Variants in SMG1 observed in about 807,000 individuals in gnomAD.
The protein encoded by SMG1 is SMG1 nonsense mediated mRNA decay associated PI3K related kinase.
Under a neutral mutation model 419.9 loss-of-function variants are expected in SMG1, and 22 were observed. The ratio of observed to expected loss-of-function variants is 0.05; its 90% CI spans 0.04 to 0.07. SMG1 has a LOEUF of 0.07. Among genes scored for constraint, SMG1 ranks in the 10% least tolerant of loss-of-function variants. The probability of loss-of-function intolerance (pLI) is 1.00; values close to 1 mark genes in which losing one functional copy is unlikely to be tolerated. For synonymous variants in SMG1, 1,538 were observed against 1,553.5 expected (o/e 0.99, Z 0.23); for missense variants, 3,185 against 4,342.0 (o/e 0.73, Z 7.49).
At chr16:18,869,813 A>G in intron 19 of SMG1, 41 bp downstream of exon 19, 1 of 1,555,908 alleles carries the variant, frequency 6.4e-7, no homozygotes, top group Non-Finnish European at 8.7e-7. Context: ...AGAATCTTAA[A>G]ATTATGTTTC....
In SMG1 at chr16:18,839,732, C is replaced by A. The variant is rs780702726; in HGVS notation, c.6911G>T (p.Cys2304Phe). 1.2e-6 allele frequency: 2 copies of A among 1,613,854 alleles called. No homozygotes were observed. The highest frequency in any genetic ancestry group is 1.7e-6 in the Non-Finnish European group (2 of 1,179,894). ...TCTCCACCATTCATCAGGTGTTGTG[C>A]AAGATGACCAGAGCTCTTTGGCAAG... ...NLLAKELWSSCTTPDEWWRVT... is the reference protein window; with the variant it reads ...NLLAKELWSSFTTPDEWWRVT... The change falls in exon 42 of 63, where the codon TGC (cysteine) becomes TTC (phenylalanine). Residue 2304 changes from cysteine (C) to phenylalanine (F), a missense_variant. Physicochemically the swap from Cys to Phe is radical, Grantham distance 205 (BLOSUM62 -2). Transcript: ENST00000446231.
intron 30 of SMG1, 134 bp from the exon 31 acceptor site, chr16:18,854,001 CAT>C: frequency 3.1e-6 from 2 of 645,440 alleles, no homozygotes; most frequent in Non-Finnish European, 4.9e-6. Flanking sequence ...TATGCTCAAG[CAT>C]AGGAGGCTCC....
At chr16:18,902,076 T>G (rs1042251993) in intron 1 of SMG1, among the ~76,000 whole-genome samples, 7 of 151,970 alleles carry the variant, frequency 4.6e-5, no homozygotes, top group Admixed American at 2.0e-4. Flanking sequence ...TGACCTCCAG[T>G]GGGGCTGGAG....
chr16:18,886,808 A>T (rs2036631211), intron 6 of SMG1, among the ~76,000 whole-genome samples: 1 of 152,220 alleles, frequency 6.6e-6, no homozygotes. Flanking sequence ...TCTCAAAAAA[A>T]AAGAGAAAAA....
chr16:18,844,584 GGAAACTCGAGTTTTGGCAAGAACACATAA>G (rs2034147635), intron 39 of SMG1, among the ~76,000 whole-genome samples: 1 of 54,866 alleles, frequency 1.8e-5, no homozygotes, highest in Non-Finnish European at 3.8e-5. Context: ...ACACACACAC[GGAAACTCGAGTTTTGGCAAGAACACATAA>G]TAAACTTCAT....
Position 18,812,096 on chromosome 16 carries a change from C to G in SMG1, c.10653G>C (p.Gln3551His). The change falls in exon 61 of 63, where the codon CAG (glutamine) becomes CAC (histidine). Residue 3551 changes from glutamine (Q) to histidine (H), a missense_variant. Around this residue, in one of 27 missense-constraint regions of SMG1, gnomAD observed 737 missense variants for 846.6 expected, o/e 0.87. Transcript: ENST00000446231. ...AVRSNTGQKT[Q>H]PDVMSQNARK... ...TAGCATTCTGTGACATGACATCAGG[C>G]TGAGTCTTCTGGCCAGTGTTACTCC... is the stretch of plus-strand genomic sequence containing the variant. The G allele has an allele frequency of 3.1e-6, 5 of 1,613,478 alleles. No homozygotes were observed. The highest frequency in any genetic ancestry group is 4.2e-6 in the Non-Finnish European group (5 of 1,179,608).
Position 18,849,922 on chromosome 16 carries a change from TCCTGAAACA to T in SMG1, c.5461+18_5461+26del. On this transcript the variant is annotated intron_variant, in intron 35 of 62. Coordinates refer to ENST00000446231, the MANE Select transcript of SMG1 (RefSeq NM_015092.5). ...ATATATCCTAGTGAGAAACTATTTT[TCCTGAAACA>T]TTTTATGCAGGTCTCACCTCTCCAT... 1 of 1,595,606 alleles carries T rather than the reference TCCTGAAACA, an allele frequency of 6.3e-7. No homozygotes were observed. Among genetic ancestry groups the T allele is most frequent in the Admixed American group, 1.8e-5 (1 of 56,126 alleles).
At chr16:18,848,650 C>A (rs2034405804) in intron 36 of SMG1, among the ~76,000 whole-genome samples, 1 of 151,916 alleles carries the variant, frequency 6.6e-6, no homozygotes, top group Admixed American at 6.6e-5. Context: ...CTCAGTGAGC[C>A]TGGCAGAGGT....
chr16:18,827,886 A>G, intron 55 of SMG1, 145 bp downstream of exon 55: 1 of 431,276 alleles, frequency 2.3e-6, no homozygotes, highest in Middle Eastern at 6.5e-4. Flanking sequence ...ATAAATTAAA[A>G]GCAAAAGTGA....
At chr16:18,904,913 CA>C (rs1486612872) in intron 1 of SMG1, among the ~76,000 whole-genome samples, 2 of 151,632 alleles carry the variant, frequency 1.3e-5, no homozygotes, top group Admixed American at 6.6e-5. Flanking sequence ...CCAGCCTGGG[CA>C]ACAGAGAGAC....
chr16:18,854,634 A>C lies in SMG1; in HGVS notation c.4483+22T>G, dbSNP rs540428965. Reference sequence around the variant, plus strand: ...ATGATTTTTATTATACTCATGTATTAACCATAATTAATTTTACTAACCTGC... The same window carrying C: ...ATGATTTTTATTATACTCATGTATTCACCATAATTAATTTTACTAACCTGC... On this transcript the variant is annotated intron_variant, in intron 30 of 62. Transcript: ENST00000446231. 1.1e-5 allele frequency: 17 copies of C among 1,599,222 alleles called. No individual in the cohort carries two copies. In the East Asian group the frequency reaches 3.8e-4, roughly 36 times the overall value.
intron 39 of SMG1, 127 bp from the exon 40 acceptor site, chr16:18,842,581 T>G: frequency 1.1e-6 from 1 of 891,994 alleles, no homozygotes; most frequent in Non-Finnish European, 1.7e-6. Context: ...TCCCAGCACT[T>G]TGGGAGGCCG....
At chr16:18,905,638 A>T (rs1461691607) in intron 1 of SMG1, among the ~76,000 whole-genome samples, 1 of 143,616 alleles carries the variant, frequency 7.0e-6, no homozygotes, top group Non-Finnish European at 1.5e-5. Context: ...TTTGAGACAG[A>T]CTCTGACTTT....
chr16:18,827,460 A>ATATATATATATT (rs1014628499), intron 55 of SMG1, among the ~76,000 whole-genome samples: 3 of 147,026 alleles, frequency 2.0e-5, no homozygotes, highest in African/African-American at 7.4e-5. Context: ...ATATACCTAT[A>ATATATATATATT]TATATATATT....
Position 18,847,941 on chromosome 16 carries a change from C to T in SMG1, c.5716G>A (p.Ala1906Thr), listed in dbSNP as rs1567360820. The T allele has an allele frequency of 8.1e-6, 13 of 1,613,852 alleles. No homozygotes were observed. The highest frequency in any genetic ancestry group is 1.1e-5 in the South Asian group (1 of 91,088). The change falls in exon 37 of 63, where the codon GCA (alanine) becomes ACA (threonine). Residue 1906 changes from alanine to threonine, a missense_variant. Physicochemically the swap from Ala to Thr is moderately conservative, Grantham distance 58. Coordinates refer to ENST00000446231, the MANE Select transcript of SMG1 (RefSeq NM_015092.5). ...VSECEGGSPPASQDSNKDEPK... is the reference protein window; with the variant it reads ...VSECEGGSPPTSQDSNKDEPK... ...TCATCCTTATTGCTATCCTGAGATG[C>T]AGGAGGACTTCCTCCCTCACATTCA...
At chr16:18,885,293 A>C in intron 7 of SMG1, 131 bp from the exon 8 acceptor site, 1 of 638,454 alleles carries the variant, frequency 1.6e-6, no homozygotes. Flanking sequence ...CTAGAAACTT[A>C]GAAAGGGGAG....
chr16:18,838,215 C>T lies in SMG1; in HGVS notation c.7212G>A (p.Arg2404=), dbSNP rs769685416. 6.2e-7 allele frequency: 1 copy of T among 1,611,228 alleles called. No individual in the cohort carries two copies. The highest frequency in any genetic ancestry group is 1.7e-5 in the Admixed American group (1 of 59,374). Residue 2404 remains arginine, a synonymous_variant, in exon 45 of 63, where the codon CGG becomes CGA. Coordinates refer to ENST00000446231, the MANE Select transcript of SMG1 (RefSeq NM_015092.5). ...GCGTCAGCAGGGTCTCTCTGCCACGCCGCATAATGTGTAAAACCTGTTTTC... is the reference window on the plus strand; with the variant it reads ...GCGTCAGCAGGGTCTCTCTGCCACGTCGCATAATGTGTAAAACCTGTTTTC... ...LSCEQVLHIM[R]RGRETLLTLL...
Position 18,836,152 on chromosome 16 carries a change from A to C in SMG1, c.7838T>G (p.Ile2613Ser). The C allele has an allele frequency of 6.2e-7, 1 of 1,611,510 alleles. No homozygotes were observed. The highest frequency in any genetic ancestry group is 8.5e-7 in the Non-Finnish European group (1 of 1,178,820). The change falls in exon 48 of 63, where the codon ATT becomes AGT. Residue 2613 changes from isoleucine (I) to serine (S), a missense_variant. Transcript: ENST00000446231. Reference sequence around the variant, plus strand: ...CCCCTCCAGCTGCTCGCACTGGCTAATCAAGTGGGCCTGACCAGCATTCTG... The same window carrying C: ...CCCCTCCAGCTGCTCGCACTGGCTACTCAAGTGGGCCTGACCAGCATTCTG... ...FLQNAGQAHL[I>S]SQCEQLEGEV...
chr16:18,917,998 C>G (rs576050073), intron 1 of SMG1, among the ~76,000 whole-genome samples: 1 of 151,736 alleles, frequency 6.6e-6, no homozygotes, highest in Non-Finnish European at 1.5e-5. Flanking sequence ...TGGTGGCTCA[C>G]GCCTGTAATC....
Sources: gnomAD v4.1 joint callset for allele counts (sites outside exome capture counted in the v4.1 genomes callset) on GRCh38, gnomAD v4.1.1 for gene constraint, gnomAD v4.1.1 regional missense constraint, MANE v1.5 for transcripts, NCBI Gene and HGNC (gene_info 2026-07-23, HGNC 2026-07-21) for gene names.